TTC7A: variants seen among roughly 807,000 people sequenced by gnomAD.
TTC7A encodes the protein tetratricopeptide repeat domain 7A.
Under a neutral mutation model 103.7 loss-of-function variants are expected in TTC7A, and 110 were observed. That is an observed-to-expected ratio of 1.06 (90% CI 0.91 to 1.24). TTC7A has a LOEUF of 1.24. Ranked by LOEUF, TTC7A falls within the 50% of genes most tolerant of loss-of-function variation. The probability of loss-of-function intolerance (pLI) is 0.00; values close to 1 mark genes in which losing one functional copy is unlikely to be tolerated. For synonymous variants in TTC7A, 521 were observed against 467.9 expected, an observed-to-expected ratio of 1.11 and a Z score of -1.47; for missense variants, 1,340 against 1,116.3, an observed-to-expected ratio of 1.20 and a Z score of -2.86.
chr2:46,963,584 A>G lies in TTC7A; in HGVS notation c.517+6577A>G, dbSNP rs1467099661. Among the ~76,000 whole-genome samples the G allele has an allele frequency of 2.6e-5, 4 of 152,358 alleles. No homozygotes were observed. The East Asian group carries it at 7.7e-4, about 29-fold the overall frequency. ...CTCGGACATCATGCCTCTGGGGATC[A>G]GTTTCTGCATAACCAGACTTATGGT... On this transcript the variant is annotated intron_variant, in intron 3 of 19. Coordinates refer to ENST00000319190, the MANE Select transcript of TTC7A (RefSeq NM_020458.4).
intron 3 of TTC7A, among the ~76,000 whole-genome samples, chr2:46,973,532 G>A (rs1393520898): frequency 6.6e-6 from 1 of 152,198 alleles, no homozygotes; most frequent in African/African-American, 2.4e-5. Context: ...CACCTGGAGG[G>A]AGCTAAGGAA....
Position 46,961,576 on chromosome 2 carries a change from C to CAAATAAATAAATAAATAAATAAAT in TTC7A, c.517+4577_517+4600dup, listed in dbSNP as rs58889946. 8.9e-3 allele frequency among the ~76,000 whole-genome samples: 1,209 copies of CAAATAAATAAATAAATAAATAAAT among 135,096 alleles called. 11 individuals are homozygous for CAAATAAATAAATAAATAAATAAAT. The highest frequency in any genetic ancestry group is 0.026 in the South Asian group (104 of 3,962). The allele number at this position is 135,096 out of a possible 152,430, so 88.6% of individuals were successfully genotyped here. A position where few individuals can be genotyped will look rare whatever the true frequency, so the allele number is the denominator to read the frequency against. ...TGGGTGACAGAGCAAGACTCCATCT[C>CAAATAAATAAATAAATAAATAAAT]AAATAAATAAATAAATAAATAAATA... is the stretch of plus-strand genomic sequence containing the variant. On this transcript the variant is annotated intron_variant, in intron 3 of 19. Transcript: ENST00000319190.
rs1467769318 is a variant in TTC7A at position 46,995,179 on chromosome 2, C to A, written c.1045C>A (p.Leu349Ile). 6.2e-7 allele frequency: 1 copy of A among 1,614,072 alleles called. No homozygotes were observed. Among genetic ancestry groups the A allele is most frequent in the Non-Finnish European group, 8.5e-7 (1 of 1,180,038 alleles). ...CAACATCGAGGAAGCCCTCCTGCTCCTCCTCATCAGCGAATCCATGGTAAG... is the reference window on the plus strand; with the variant it reads ...CAACATCGAGGAAGCCCTCCTGCTCATCCTCATCAGCGAATCCATGGTAAG... ...KDNIEEALLL[L>I]LISESMATRD... The change falls in exon 8 of 20, where the codon CTC becomes ATC. Residue 349 changes from leucine to isoleucine, a missense_variant. Leu to Ile is a conservative substitution (Grantham distance 5). Transcript: ENST00000319190.
chr2:47,047,515 C>A (rs1485201412), intron 16 of TTC7A, among the ~76,000 whole-genome samples: 1 of 152,242 alleles, frequency 6.6e-6, no homozygotes, highest in African/African-American at 2.4e-5. Flanking sequence ...AGCCAAGGGC[C>A]ACACTCTGGG....
In TTC7A at chr2:47,074,090, G is replaced by A; in HGVS notation, c.*167G>A. On this transcript the variant is annotated 3_prime_UTR_variant, in exon 20 of 20. Coordinates refer to ENST00000319190, the MANE Select transcript of TTC7A (RefSeq NM_020458.4). ...TCGTTCTCTTGGCTGGGCCAAGAGG[G>A]CCTTCCTGGATTTCTTTGTTGGTGC... 1.6e-6 allele frequency: 1 copy of A among 611,126 alleles called. No individual in the cohort carries two copies. The highest frequency in any genetic ancestry group is 2.9e-6 in the Non-Finnish European group (1 of 347,662). The allele number at this position is 611,126 out of a possible 1,614,324, so 37.9% of individuals were successfully genotyped here.
chr2:47,020,160 G>T (rs891395758), intron 11 of TTC7A, among the ~76,000 whole-genome samples: 13 of 152,180 alleles, frequency 8.5e-5, no homozygotes, highest in Admixed American at 1.3e-4. Flanking sequence ...GTGGGGAGCG[G>T]GGAGGAGCGG....
intron 12 of TTC7A, 151 bp downstream of exon 12, chr2:47,022,130 C>T: frequency 1.7e-6 from 1 of 597,614 alleles, no homozygotes; most frequent in Non-Finnish European, 3.0e-6. Context: ...CATGTGTGCA[C>T]ACATACACAC....
At chr2:46,925,179 C>T (rs1337394171) in intron 2 of TTC7A, among the ~76,000 whole-genome samples, 1 of 152,116 alleles carries the variant, frequency 6.6e-6, no homozygotes, top group African/African-American at 2.4e-5. Context: ...TAGATTTGAA[C>T]TTCTGGGTTT....
chr2:47,001,198 C>T (rs901986978), intron 8 of TTC7A, among the ~76,000 whole-genome samples: 2 of 152,152 alleles, frequency 1.3e-5, no homozygotes, highest in African/African-American at 2.4e-5. Context: ...TAGACTGGAG[C>T]CCTGTTTATG....
intron 8 of TTC7A, 144 bp downstream of exon 8, chr2:46,995,343 G>A: frequency 3.7e-6 from 3 of 801,282 alleles, no homozygotes; most frequent in Non-Finnish European, 6.0e-6. Context: ...TTGGCCCTGG[G>A]CCCCCATACA....
intron 5 of TTC7A, among the ~76,000 whole-genome samples, chr2:46,981,063 G>A (rs551538073): frequency 6.6e-6 from 1 of 152,208 alleles, no homozygotes; most frequent in African/African-American, 2.4e-5. Flanking sequence ...GCTCCATTAC[G>A]TAGGCATGAT....
rs907471113 is a variant in TTC7A at position 47,075,836 on chromosome 2, G to C, written c.*1913G>C. The C allele has an allele frequency of 6.6e-6, 1 of 152,372 alleles. No individual in the cohort carries two copies. The highest frequency in any genetic ancestry group is 2.4e-5 in the African/African-American group (1 of 41,438). 9.4% of individuals were successfully genotyped at this position (152,372 alleles called of 1,614,324 possible). A position where few individuals can be genotyped will look rare whatever the true frequency, so the allele number is the denominator to read the frequency against. ...GAGGGGTCCAGGCAGGGCTGATCCTGGCCTCTGACCTGTCCAGGGCGACCC... is the reference window on the plus strand; with the variant it reads ...GAGGGGTCCAGGCAGGGCTGATCCTCGCCTCTGACCTGTCCAGGGCGACCC... On this transcript the variant is annotated 3_prime_UTR_variant, in exon 20 of 20. Transcript: ENST00000319190.
In TTC7A at chr2:47,007,534, C is replaced by T. The variant is rs1677546545; in HGVS notation, c.1287+810C>T. 6.6e-6 allele frequency among the ~76,000 whole-genome samples: 1 copy of T among 152,172 alleles called. No homozygotes were observed. The highest frequency in any genetic ancestry group is 1.5e-5 in the Non-Finnish European group (1 of 68,024). ...CTTTCATGGGGCTGAGGGAATTCCTCGCCCCCCTGGCCCATCTGTGCCACG... is the reference window on the plus strand; with the variant it reads ...CTTTCATGGGGCTGAGGGAATTCCTTGCCCCCCTGGCCCATCTGTGCCACG... On this transcript the variant is annotated intron_variant, in intron 10 of 19. Coordinates refer to ENST00000319190, the MANE Select transcript of TTC7A (RefSeq NM_020458.4). This position sits in a 1 kb window ranked among gnomAD's most constrained non-coding sequence, Gnocchi z 4.9.
At chr2:46,936,859 A>ATTT (rs67502094), upstream of TTC7A, among the ~76,000 whole-genome samples, 1 of 142,858 alleles carries the variant, frequency 7.0e-6, no homozygotes, top group African/African-American at 2.6e-5. Flanking sequence ...AGGATTCCAA[A>ATTT]TTTTTTTTTT....
chr2:47,006,079 CCA>C lies in TTC7A; in HGVS notation c.1203+22_1203+23del, dbSNP rs1231309616. On this transcript the variant is annotated intron_variant, in intron 9 of 19. Coordinates refer to ENST00000319190, the MANE Select transcript of TTC7A (RefSeq NM_020458.4). ...TCGGAGGTACGGCCGGCCATGCAGC[CCA>C]CCCCACTCTCCGGAGTCAGGTGGTC... The C allele has an allele frequency of 1.5e-5, 24 of 1,608,902 alleles. No homozygotes were observed. The highest frequency in any genetic ancestry group is 2.0e-5 in the Non-Finnish European group (24 of 1,177,394).
chr2:47,070,660 G>T (rs1157912207), intron 19 of TTC7A, among the ~76,000 whole-genome samples: 12 of 152,112 alleles, frequency 7.9e-5, no homozygotes, highest in African/African-American at 2.7e-4. Flanking sequence ...GCAGAGTCTC[G>T]AGCACTTGAG....
chr2:46,959,007 T>C (rs182655250), intron 3 of TTC7A, among the ~76,000 whole-genome samples: 12 of 152,260 alleles, frequency 7.9e-5, no homozygotes, highest in African/African-American at 2.6e-4. Context: ...GTTCCCCTCA[T>C]TCTATGTCGC....
At chr2:47,066,150 G>A (rs1338920508) in intron 19 of TTC7A, 1 of 152,240 alleles carries the variant, frequency 6.6e-6, no homozygotes, top group Non-Finnish European at 1.5e-5. Flanking sequence ...GGAAAGACAG[G>A]AAGACAGTGT....
chr2:47,005,623 A>G (rs555749771), intron 8 of TTC7A, among the ~76,000 whole-genome samples: 45 of 152,342 alleles, frequency 3.0e-4, no homozygotes, highest in Non-Finnish European at 6.0e-4. Context: ...TTATGAGACT[A>G]TTCTTGCAAC....
Sources: gnomAD v4.1 joint callset for allele counts (sites outside exome capture counted in the v4.1 genomes callset) on GRCh38, gnomAD v4.1.1 for gene constraint, Gnocchi (gnomAD v3.1) non-coding constraint, MANE v1.5 for transcripts, NCBI Gene and HGNC (gene_info 2026-07-23, HGNC 2026-07-21) for gene names.